The following SBF2 variants were observed in gnomAD, a reference collection of about 807,000 sequenced individuals.
SBF2 encodes the protein myotubularin-related protein 13.
SBF2 carries 112 observed loss-of-function variants against 225.2 expected under a neutral mutation model. The ratio of observed to expected loss-of-function variants is 0.50; its 90% CI spans 0.43 to 0.58. The LOEUF is 0.58. Among genes scored for constraint, SBF2 ranks in the 20% least tolerant of loss-of-function variants. The pLI, the probability that SBF2 is intolerant of heterozygous loss-of-function variation, is 0.00. For missense variants in SBF2, 1,996 were observed against 2,206.2 expected, an observed-to-expected ratio of 0.90 and a Z score of 1.91; for synonymous variants, 763 against 773.3, an observed-to-expected ratio of 0.99 and a Z score of 0.22.
intron 1 of SBF2, among the ~76,000 whole-genome samples, chr11:10,220,550 G>T (rs1958303811): frequency 1.3e-5 from 2 of 152,112 alleles, no homozygotes; most frequent in Non-Finnish European, 2.9e-5. Flanking sequence ...ATAATTTCTT[G>T]CCTGACTTGG....
chr11:9,982,937 C>T (rs1947020761), intron 13 of SBF2, among the ~76,000 whole-genome samples: 1 of 152,170 alleles, frequency 6.6e-6, no homozygotes, highest in Non-Finnish European at 1.5e-5. Context: ...CTTGCCGGGT[C>T]CCAAAGCAGC....
intron 2 of SBF2, among the ~76,000 whole-genome samples, chr11:10,148,047 A>T (rs897990187): frequency 6.6e-6 from 1 of 152,236 alleles, no homozygotes; most frequent in African/African-American, 2.4e-5. Context: ...TAAATAATCA[A>T]GAAATGTTAT....
intron 2 of SBF2, among the ~76,000 whole-genome samples, chr11:10,124,894 C>T (rs1423583141): frequency 6.6e-6 from 1 of 151,992 alleles, no homozygotes; most frequent in African/African-American, 2.4e-5. Context: ...CACCTGAGGT[C>T]AGGAGTTGGA....
chr11:9,968,189 AATGAAACAGTTTCTG>A, intron 14 of SBF2, 137 bp downstream of exon 14: 1 of 703,430 alleles, frequency 1.4e-6, no homozygotes, highest in Non-Finnish European at 2.5e-6. Context: ...GGAGGCAGTG[AATGAAACAGTTTCTG>A]AGTATTGATA....
At chr11:10,080,068 T>C (rs1951297999) in intron 2 of SBF2, among the ~76,000 whole-genome samples, 1 of 151,706 alleles carries the variant, frequency 6.6e-6, no homozygotes, top group Non-Finnish European at 1.5e-5. Flanking sequence ...GCCAACATGG[T>C]GAAACCCTGT....
chr11:10,122,758 C>G (rs1375433114), intron 2 of SBF2, among the ~76,000 whole-genome samples: 1 of 152,154 alleles, frequency 6.6e-6, no homozygotes, highest in Non-Finnish European at 1.5e-5. Context: ...GATGGAGACA[C>G]GGGAGTCTCA....
At chr11:10,062,072 C>T (rs886113453) in intron 2 of SBF2, among the ~76,000 whole-genome samples, 4 of 152,102 alleles carry the variant, frequency 2.6e-5, no homozygotes, top group Admixed American at 2.0e-4. Context: ...TCTTTGACAA[C>T]GCTGACAAAA....
intron 2 of SBF2, among the ~76,000 whole-genome samples, chr11:10,189,498 C>A (rs892261516): frequency 2.0e-5 from 3 of 152,264 alleles, no homozygotes; most frequent in African/African-American, 7.2e-5. Context: ...CAAATAACAT[C>A]CCATATTAAA....
chr11:10,051,795 G>T (rs1271342491), intron 2 of SBF2, among the ~76,000 whole-genome samples: 1 of 152,034 alleles, frequency 6.6e-6, no homozygotes, highest in Non-Finnish European at 1.5e-5. Context: ...GCAGTTAAAT[G>T]AGTCTTTTTC....
chr11:10,006,406 A>G (rs116901658), intron 6 of SBF2, among the ~76,000 whole-genome samples: 3,208 of 152,248 alleles, frequency 0.021, 64 homozygotes, highest in South Asian at 0.033. Context: ...CTTATGACTT[A>G]CCATATGCTT....
intron 1 of SBF2, among the ~76,000 whole-genome samples, chr11:10,249,743 A>C (rs1203029531): frequency 7.2e-6 from 1 of 138,630 alleles, no homozygotes; most frequent in Non-Finnish European, 1.6e-5. Flanking sequence ...GGGGGAGTCC[A>C]TAGCATTGGA....
intron 4 of SBF2, 103 bp from the exon 5 acceptor site, chr11:10,029,978 T>C (rs117705703): frequency 1.7e-5 from 14 of 822,886 alleles, no homozygotes; most frequent in Non-Finnish European, 3.0e-5. Flanking sequence ...CCCAGTAAAG[T>C]ATATTATACA....
chr11:10,277,584 CATA>C, intron 1 of SBF2, among the ~76,000 whole-genome samples: 1 of 152,250 alleles, frequency 6.6e-6, no homozygotes, highest in South Asian at 2.1e-4. Flanking sequence ...ATCAGAATCT[CATA>C]ATGTGACTTT....
intron 1 of SBF2, among the ~76,000 whole-genome samples, chr11:10,270,682 C>T (rs374264755): frequency 1.3e-5 from 2 of 152,142 alleles, no homozygotes; most frequent in Non-Finnish European, 2.9e-5. Flanking sequence ...TGGATAGATG[C>T]TATAAACATG....
At chr11:10,027,991 T>C (rs1446165274) in intron 6 of SBF2, among the ~76,000 whole-genome samples, 1 of 152,178 alleles carries the variant, frequency 6.6e-6, no homozygotes, top group African/African-American at 2.4e-5. Flanking sequence ...CTCATTGCAG[T>C]CTTGAATTTT....
At position 9,993,992 on chromosome 11, in the gene SBF2, G is replaced by T; in HGVS notation, c.982C>A (p.His328Asn). Residue 328 changes from histidine to asparagine, a missense_variant, in exon 10 of 40, where the codon CAC (histidine) becomes AAC (asparagine). Transcript: ENST00000256190. ...QTQSALSLIL[H>N]PDLEVADHAF... ...TGATCTGCTACTTCCAAATCTGGGTGTAAAATCTAAAGCAAAAAAGTTTTG... is the reference window on the plus strand; with the variant it reads ...TGATCTGCTACTTCCAAATCTGGGTTTAAAATCTAAAGCAAAAAAGTTTTG... 8.2e-7 allele frequency: 1 copy of T among 1,217,570 alleles called. No homozygotes were observed. The highest frequency in any genetic ancestry group is 1.9e-4 in the Middle Eastern group (1 of 5,308). The allele number at this position is 1,217,570 out of a possible 1,614,324, so 75.4% of individuals were successfully genotyped here.
In SBF2 at chr11:9,895,153, A is replaced by G. The variant is rs1861136248; in HGVS notation, c.1929+790T>C. 2.0e-5 allele frequency among the ~76,000 whole-genome samples: 3 copies of G among 152,328 alleles called. No individual in the cohort carries two copies. The South Asian group carries it at 6.2e-4, about 32-fold the overall frequency. Reference sequence around the variant, plus strand: ...ACAAAAAATCAAATCTAAGCCCACCACTAAAACCTATGTATGATTAATCTG... The same window carrying G: ...ACAAAAAATCAAATCTAAGCCCACCGCTAAAACCTATGTATGATTAATCTG... On this transcript the variant is annotated intron_variant, in intron 17 of 39. Transcript: ENST00000256190.
chr11:9,852,396 G>A (rs913967129), intron 21 of SBF2, among the ~76,000 whole-genome samples: 4 of 152,174 alleles, frequency 2.6e-5, no homozygotes, highest in African/African-American at 9.7e-5. Context: ...TGGGCTTAGA[G>A]GTTAGAAATG....
intron 1 of SBF2, among the ~76,000 whole-genome samples, chr11:10,195,359 T>C (rs1291164820): frequency 3.9e-5 from 6 of 152,192 alleles, no homozygotes; most frequent in African/African-American, 9.7e-5. Flanking sequence ...CAACTTCCCA[T>C]TGAACTTTGG....
Sources: allele counts gnomAD v4.1 joint callset (sites outside exome capture counted in the v4.1 genomes callset), GRCh38; gene constraint gnomAD v4.1.1; transcripts MANE v1.5; gene names NCBI Gene and HGNC (gene_info 2026-07-23, HGNC 2026-07-21).